The following GRXCR1 variants were observed in gnomAD, a reference collection of about 807,000 sequenced individuals.
GRXCR1 encodes glutaredoxin domain-containing cysteine-rich protein 1.
A neutral mutation model predicts 27.3 loss-of-function variants in GRXCR1; 27 were observed. The observed-to-expected ratio is 0.99, with a 90% CI of 0.73 to 1.37. GRXCR1 has a LOEUF of 1.37. GRXCR1 is among the 40% of genes most tolerant of loss of function. The pLI is 0.00. For missense variants in GRXCR1, 379 were observed against 354.4 expected (o/e 1.07, Z -0.56); for synonymous variants, 122 against 131.1 (o/e 0.93, Z 0.47).
chr4:42,938,696 G>T (rs745439150), intron 1 of GRXCR1, among the ~76,000 whole-genome samples: 8 of 151,752 alleles, frequency 5.3e-5, no homozygotes, highest in Non-Finnish European at 1.0e-4. Flanking sequence ...GAGAGATATG[G>T]GTCTAATTTT....
intron 1 of GRXCR1, among the ~76,000 whole-genome samples, chr4:42,932,625 GAGA>G (rs1560654379): frequency 5.4e-5 from 2 of 37,362 alleles, no homozygotes; most frequent in East Asian, 2.2e-3. Flanking sequence ...TATATAGAGA[GAGA>G]GAGAGAGAGA....
chr4:42,986,364 G>A (rs1006010748), intron 2 of GRXCR1, among the ~76,000 whole-genome samples: 1 of 152,200 alleles, frequency 6.6e-6, no homozygotes, highest in African/African-American at 2.4e-5. Context: ...CTGTCTTGCA[G>A]GAAATTAACA....
chr4:42,945,133 T>A (rs1039645246), intron 1 of GRXCR1, among the ~76,000 whole-genome samples: 2 of 152,170 alleles, frequency 1.3e-5, no homozygotes, highest in African/African-American at 4.8e-5. Flanking sequence ...GCGGAGAAGA[T>A]ACCATCTATA....
intron 2 of GRXCR1, among the ~76,000 whole-genome samples, chr4:43,015,139 T>C (rs1712892284): frequency 1.3e-5 from 2 of 152,196 alleles, no homozygotes; most frequent in African/African-American, 4.8e-5. Context: ...ACCTAGGATG[T>C]CCAGGAGAAG....
At chr4:42,905,205 C>T (rs1746558506) in intron 1 of GRXCR1, among the ~76,000 whole-genome samples, 1 of 152,158 alleles carries the variant, frequency 6.6e-6, no homozygotes, top group Non-Finnish European at 1.5e-5. Context: ...GTCTATTTGG[C>T]CAAATGTTTG....
rs187250819 is a variant in GRXCR1, at chr4:42,894,526, T to C, written c.384+876T>C. Among the ~76,000 whole-genome samples the C allele has an allele frequency of 4.6e-5, 7 of 152,244 alleles. No homozygotes were observed. In the East Asian group the frequency reaches 1.2e-3, roughly 25 times the overall value. ...CTCAATTTTTAAATAAAATGATCTC[T>C]TGTGATGATTCAATGTCCCTATATT... On this transcript the variant is annotated intron_variant, in intron 1 of 3. Transcript: ENST00000399770.
intron 2 of GRXCR1, among the ~76,000 whole-genome samples, chr4:42,991,064 A>G (rs1173881555): frequency 2.0e-5 from 3 of 152,062 alleles, no homozygotes; most frequent in Non-Finnish European, 4.4e-5. Flanking sequence ...TTGTAACATA[A>G]TTATCTTTGT....
At chr4:42,945,689 A>G (rs1021212209) in intron 1 of GRXCR1, among the ~76,000 whole-genome samples, 4 of 152,094 alleles carry the variant, frequency 2.6e-5, no homozygotes, top group Admixed American at 6.6e-5. Context: ...TGGAGGGTAG[A>G]TGATGTGAAG....
intron 1 of GRXCR1, among the ~76,000 whole-genome samples, chr4:42,948,862 G>T (rs1382575704): frequency 6.6e-6 from 1 of 152,124 alleles, no homozygotes; most frequent in Non-Finnish European, 1.5e-5. Context: ...GCAAAGGCAA[G>T]ACAAGGAATT....
intron 2 of GRXCR1, among the ~76,000 whole-genome samples, chr4:42,966,093 C>T (rs1005360413): frequency 6.6e-6 from 1 of 152,026 alleles, no homozygotes; most frequent in Non-Finnish European, 1.5e-5. Flanking sequence ...CTTGGATACT[C>T]CACAGTGGGG....
At chr4:42,985,220 G>A (rs1711676440) in intron 2 of GRXCR1, among the ~76,000 whole-genome samples, 1 of 152,132 alleles carries the variant, frequency 6.6e-6, no homozygotes, top group African/African-American at 2.4e-5. Flanking sequence ...GTCCTCTTCT[G>A]CCATGTTGCT....
At chr4:43,029,554 C>T (rs1713357035) in intron 3 of GRXCR1, among the ~76,000 whole-genome samples, 2 of 152,130 alleles carry the variant, frequency 1.3e-5, no homozygotes, top group Non-Finnish European at 2.9e-5. Flanking sequence ...CTCAGAAAAG[C>T]AAACAGAAAT....
In GRXCR1 at chr4:43,006,027, C is replaced by T. The variant is rs147626116; in HGVS notation, c.628-14327C>T. ...CATTTATTAGTTCCCCAAATTAATA[C>T]TTTTATAATTTCTTATGCCTGTCTT... On this transcript the variant is annotated intron_variant, in intron 2 of 3. Transcript: ENST00000399770. Among the ~76,000 whole-genome samples the T allele has an allele frequency of 1.5e-3, 228 of 152,244 alleles. 1 individual carries two copies. The highest frequency in any genetic ancestry group is 5.3e-3 in the African/African-American group (219 of 41,554).
intron 2 of GRXCR1, among the ~76,000 whole-genome samples, chr4:43,001,893 CAT>C (rs1712376510): frequency 6.6e-6 from 1 of 152,106 alleles, no homozygotes; most frequent in Admixed American, 6.5e-5. Flanking sequence ...CAGCAAAAAA[CAT>C]GTGAGCAAAA....
At chr4:43,003,311 A>C (rs183442094) in intron 2 of GRXCR1, among the ~76,000 whole-genome samples, 28 of 152,250 alleles carry the variant, frequency 1.8e-4, no homozygotes, top group Admixed American at 1.0e-3. Context: ...AATAATAATA[A>C]AATTAAAAAA....
intron 2 of GRXCR1, among the ~76,000 whole-genome samples, chr4:42,971,890 T>C (rs1748395709): frequency 6.6e-6 from 1 of 152,174 alleles, no homozygotes; most frequent in African/African-American, 2.4e-5. Flanking sequence ...TTTCTAAGAA[T>C]AACTTTAAAA....
intron 1 of GRXCR1, among the ~76,000 whole-genome samples, chr4:42,962,289 G>C (rs936132222): frequency 3.3e-5 from 5 of 151,840 alleles, no homozygotes; most frequent in African/African-American, 1.2e-4. Flanking sequence ...TCCCATTCTG[G>C]AACATTTAAT....
rs1264997165 is a variant in GRXCR1, at chr4:42,920,562, C to CA, written c.384+26915dup. On this transcript the variant is annotated intron_variant, in intron 1 of 3. Transcript: ENST00000399770. ...AGAGAATGTGTTGACGTGGTTTGTA[C>CA]AAAGCAGCCATTAGAAAGGTGCAGA... 2.0e-5 allele frequency among the ~76,000 whole-genome samples: 3 copies of CA among 152,210 alleles called. No individual in the cohort carries two copies. The South Asian group carries it at 6.2e-4, about 32-fold the overall frequency.
chr4:42,999,044 G>C (rs2109795289), intron 2 of GRXCR1, among the ~76,000 whole-genome samples: 2 of 152,242 alleles, frequency 1.3e-5, no homozygotes, highest in South Asian at 4.1e-4. Context: ...TAACAACCGA[G>C]GTCCCTGACC....
Sources: allele counts gnomAD v4.1 joint callset (sites outside exome capture counted in the v4.1 genomes callset), GRCh38; gene constraint gnomAD v4.1.1; transcripts MANE v1.5; gene names NCBI Gene and HGNC (gene_info 2026-07-23, HGNC 2026-07-21).